The following BRIP1 variants were observed in gnomAD, a reference collection of about 807,000 sequenced individuals.
BRIP1 encodes the protein Fanconi anemia group J protein.
In BRIP1, 88 loss-of-function variants were observed where a neutral mutation model predicts 119.7. The observed-to-expected ratio is 0.74, with a 90% CI of 0.62 to 0.88. The LOEUF is 0.88. Ranked by LOEUF, BRIP1 falls within the 40% of genes least tolerant of loss-of-function variation. The pLI is 0.00. For missense variants in BRIP1, 1,259 were observed against 1,455.4 expected (o/e 0.87, Z 2.20); for synonymous variants, 443 against 496.5 (o/e 0.89, Z 1.43).
rs2145425529 is a variant in BRIP1 at position 61,808,810 on chromosome 17, T to A, written c.628-53A>T. On this transcript the variant is annotated intron_variant, in intron 6 of 19. Coordinates refer to ENST00000259008, the MANE Select transcript of BRIP1 (RefSeq NM_032043.3). This position sits in a 1 kb window ranked among gnomAD's most constrained non-coding sequence, Gnocchi z 4.1. ...AATATCTAAACTACCATAAAAAACG[T>A]TATCAAACCTCACATGGAATCAGAA... is the stretch of plus-strand genomic sequence containing the variant. 1 of 1,543,302 alleles carries A rather than the reference T, an allele frequency of 6.5e-7. No homozygotes were observed. Among genetic ancestry groups the A allele is most frequent in the Non-Finnish European group, 8.9e-7 (1 of 1,127,630 alleles).
rs980115193 is a variant in BRIP1 at position 61,831,702 on chromosome 17, G to A, written c.627+15399C>T. On this transcript the variant is annotated intron_variant, in intron 6 of 19. Transcript: ENST00000259008. The surrounding 1 kb of genome is among the most constrained non-coding windows in gnomAD (Gnocchi z 4.1). ...GAATAACACTCCTATGAACACTGGT[G>A]TACAAGTATCTGAGTACCTGCTTTC... is the stretch of plus-strand genomic sequence containing the variant. Among the ~76,000 whole-genome samples, 3 of 152,190 alleles carry A rather than the reference G, an allele frequency of 2.0e-5. No homozygotes were observed. The highest frequency in any genetic ancestry group is 7.2e-5 in the African/African-American group (3 of 41,460).
At chr17:61,847,346 G>A (rs975563857) in intron 5 of BRIP1, 126 bp from the exon 6 acceptor site, 12 of 1,032,302 alleles carry the variant, frequency 1.2e-5, no homozygotes, top group Non-Finnish European at 1.7e-5. Context: ...TTTCTAACAG[G>A]CAATAATAAA....
chr17:61,804,822 G>T lies in BRIP1; in HGVS notation c.919-3348C>A, dbSNP rs991608090. On this transcript the variant is annotated intron_variant, in intron 7 of 19. Coordinates refer to ENST00000259008, the MANE Select transcript of BRIP1 (RefSeq NM_032043.3). This position sits in a 1 kb window ranked among gnomAD's most constrained non-coding sequence, Gnocchi z 4.5. ...GCAATAATTTGAATTTCTTCTTTTA[G>T]GTTATCTACTAATGTCCTTTGCCAT... 2.6e-5 allele frequency among the ~76,000 whole-genome samples: 4 copies of T among 151,458 alleles called. No individual in the cohort carries two copies. Among genetic ancestry groups the T allele is most frequent in the Non-Finnish European group, 5.9e-5 (4 of 67,898 alleles).
intron 14 of BRIP1, among the ~76,000 whole-genome samples, chr17:61,749,134 TAA>T (rs34716903): frequency 6.9e-6 from 1 of 144,748 alleles, no homozygotes; most frequent in Non-Finnish European, 1.5e-5. Flanking sequence ...AGACTCTGTC[TAA>T]AAAAAAAAAA....
rs908415855 is a variant in BRIP1 at position 61,762,816 on chromosome 17, C to T, written c.2097+13585G>A. Among the ~76,000 whole-genome samples the T allele has an allele frequency of 3.3e-5, 5 of 152,026 alleles. No homozygotes were observed. The highest frequency in any genetic ancestry group is 1.2e-4 in the African/African-American group (5 of 41,420). On this transcript the variant is annotated intron_variant, in intron 14 of 19. Coordinates refer to ENST00000259008, the MANE Select transcript of BRIP1 (RefSeq NM_032043.3). The surrounding 1 kb of genome is among the most constrained non-coding windows in gnomAD (Gnocchi z 4.3). The stretch of plus-strand genomic sequence containing the variant: ...CAGCCATTATAAAAAACTGAATGGA[C>T]ATTACTCAAAACACTCAAAACAGAA...
intron 6 of BRIP1, among the ~76,000 whole-genome samples, chr17:61,833,141 A>G (rs2078517324): frequency 6.6e-6 from 1 of 152,182 alleles, no homozygotes; most frequent in Admixed American, 6.5e-5. Flanking sequence ...CTACATGACA[A>G]TTGCAGATAC....
rs946834393 is a variant in BRIP1, at chr17:61,851,005, A to T, written c.380-1749T>A. On this transcript the variant is annotated intron_variant, in intron 4 of 19. Coordinates refer to ENST00000259008, the MANE Select transcript of BRIP1 (RefSeq NM_032043.3). This position sits in a 1 kb window ranked among gnomAD's most constrained non-coding sequence, Gnocchi z 4.6. ...CACTTTGGGAGGCCGAGGCAGGTGG[A>T]TCACCTGAGGCCAGGAGTTTGAGAC... Among the ~76,000 whole-genome samples the T allele has an allele frequency of 6.6e-6, 1 of 152,114 alleles. No homozygotes were observed. Among genetic ancestry groups the T allele is most frequent in the Non-Finnish European group, 1.5e-5 (1 of 68,018 alleles).
rs2061674140 is a variant in BRIP1 at position 61,705,165 on chromosome 17, C to T, written c.2492+10786G>A. Among the ~76,000 whole-genome samples the T allele has an allele frequency of 6.6e-6, 1 of 152,118 alleles. No individual in the cohort carries two copies. The highest frequency in any genetic ancestry group is 1.5e-5 in the Non-Finnish European group (1 of 68,006). On this transcript the variant is annotated intron_variant, in intron 17 of 19. Transcript: ENST00000259008. The surrounding 1 kb of genome is among the most constrained non-coding windows in gnomAD (Gnocchi z 5.0). ...GTCCATGTGTACCCATTGTTTATCTCCCATTTATAAGTGGGAACATATGGT... is the reference window on the plus strand; with the variant it reads ...GTCCATGTGTACCCATTGTTTATCTTCCATTTATAAGTGGGAACATATGGT...
Position 61,795,473 on chromosome 17 carries a change from T to G in BRIP1, c.1341-1744A>C, listed in dbSNP as rs796814613. ...CAATGGATTAAATTGTTTTCATTTT[T>G]AGATCCCACAAATAAGTGAGAATAT... On this transcript the variant is annotated intron_variant, in intron 9 of 19. Transcript: ENST00000259008. This position sits in a 1 kb window ranked among gnomAD's most constrained non-coding sequence, Gnocchi z 5.6. Among the ~76,000 whole-genome samples the G allele has an allele frequency of 2.0e-4, 31 of 152,244 alleles. No homozygotes were observed. The highest frequency in any genetic ancestry group is 7.2e-4 in the African/African-American group (30 of 41,548).
In BRIP1 at chr17:61,703,947, A is replaced by G. The variant is rs1423655857; in HGVS notation, c.2493-10435T>C. ...ATTCTTTGCCAAATCTGATGTTTAG[A>G]ACAGTATTTCCTAGGTTTTCTTCTA... On this transcript the variant is annotated intron_variant, in intron 17 of 19. Coordinates refer to ENST00000259008, the MANE Select transcript of BRIP1 (RefSeq NM_032043.3). The surrounding 1 kb of genome is among the most constrained non-coding windows in gnomAD (Gnocchi z 5.0). Among the ~76,000 whole-genome samples the G allele has an allele frequency of 2.0e-5, 3 of 152,154 alleles. No individual in the cohort carries two copies. Among genetic ancestry groups the G allele is most frequent in the Non-Finnish European group, 2.9e-5 (2 of 68,012 alleles).
At position 61,708,936 on chromosome 17, in the gene BRIP1, T is replaced by G. The variant is rs756379826; in HGVS notation, c.2492+7015A>C. 6.6e-6 allele frequency among the ~76,000 whole-genome samples: 1 copy of G among 152,178 alleles called. No homozygotes were observed. Among genetic ancestry groups the G allele is most frequent in the East Asian group, 1.9e-4 (1 of 5,198 alleles). Reference sequence around the variant, plus strand: ...GGGGGTGGAGTTCTCACATTCAGTATGTAAAATCCCCGTATATAATATTAA... The same window carrying G: ...GGGGGTGGAGTTCTCACATTCAGTAGGTAAAATCCCCGTATATAATATTAA... On this transcript the variant is annotated intron_variant, in intron 17 of 19. Transcript: ENST00000259008. The surrounding 1 kb of genome is among the most constrained non-coding windows in gnomAD (Gnocchi z 4.4).
At position 61,755,538 on chromosome 17, in the gene BRIP1, G is replaced by A. The variant is rs1347886193; in HGVS notation, c.2098-10947C>T. Among the ~76,000 whole-genome samples the A allele has an allele frequency of 6.6e-6, 1 of 152,076 alleles. No individual in the cohort carries two copies. The highest frequency in any genetic ancestry group is 2.4e-5 in the African/African-American group (1 of 41,416). The stretch of plus-strand genomic sequence containing the variant: ...CATGCCACCGTACTCCAGCCTGGGT[G>A]ATAGAGTGAGACCCTATCTGAAAAA... On this transcript the variant is annotated intron_variant, in intron 14 of 19. Transcript: ENST00000259008. The surrounding 1 kb of genome is among the most constrained non-coding windows in gnomAD (Gnocchi z 4.5).
At chr17:61,707,978 C>G (rs562494719) in intron 17 of BRIP1, among the ~76,000 whole-genome samples, 1 of 152,116 alleles carries the variant, frequency 6.6e-6, no homozygotes, top group East Asian at 1.9e-4. Context: ...TCCTGAGTAG[C>G]TGGGATTACA....
At position 61,693,282 on chromosome 17, in the gene BRIP1, A is replaced by G. The variant is rs754255876; in HGVS notation, c.2575+148T>C. The G allele has an allele frequency of 2.4e-5, 18 of 743,760 alleles. No individual in the cohort carries two copies. The highest frequency in any genetic ancestry group is 3.6e-5 in the Non-Finnish European group (16 of 441,996). 46.1% of individuals were successfully genotyped at this position (743,760 alleles called of 1,614,324 possible). On this transcript the variant is annotated intron_variant, in intron 18 of 19. Coordinates refer to ENST00000259008, the MANE Select transcript of BRIP1 (RefSeq NM_032043.3). This position sits in a 1 kb window ranked among gnomAD's most constrained non-coding sequence, Gnocchi z 4.2. ...GTTATGTAAGATTTAAAAGTTCTAG[A>G]TATCTGCTGTGAAATACTGTGCTTA...
At chr17:61,850,762 A>G (rs1401414986) in intron 4 of BRIP1, among the ~76,000 whole-genome samples, 1 of 151,838 alleles carries the variant, frequency 6.6e-6, no homozygotes, top group Admixed American at 6.6e-5. Context: ...TGGGAGGCAG[A>G]GGTTGCAGTG....
rs955309149 is a variant in BRIP1, at chr17:61,804,517, T to C, written c.919-3043A>G. On this transcript the variant is annotated intron_variant, in intron 7 of 19. Transcript: ENST00000259008. This position sits in a 1 kb window ranked among gnomAD's most constrained non-coding sequence, Gnocchi z 4.5. ...ACTTCTCATGCCTCAGCCTCCCAAG[T>C]AGCTGGGATTACAAGCACGCATCAC... is the stretch of plus-strand genomic sequence containing the variant. Among the ~76,000 whole-genome samples the C allele has an allele frequency of 2.0e-5, 3 of 151,404 alleles. No individual in the cohort carries two copies. Among genetic ancestry groups the C allele is most frequent in the African/African-American group, 4.9e-5 (2 of 41,206 alleles).
intron 5 of BRIP1, among the ~76,000 whole-genome samples, chr17:61,847,509 T>C (rs1332141548): frequency 6.6e-6 from 1 of 152,190 alleles, no homozygotes; most frequent in Non-Finnish European, 1.5e-5. Flanking sequence ...AATAGTCCCA[T>C]CATATGGACA....
At chr17:61,811,273 G>A (rs1313693026) in intron 6 of BRIP1, among the ~76,000 whole-genome samples, 1 of 151,944 alleles carries the variant, frequency 6.6e-6, no homozygotes, top group East Asian at 1.9e-4. Context: ...TGCCCAGGCT[G>A]GAGTGCAATG....
intron 10 of BRIP1, among the ~76,000 whole-genome samples, chr17:61,788,330 G>T (rs2077764736): frequency 6.6e-6 from 1 of 151,914 alleles, no homozygotes; most frequent in African/African-American, 2.4e-5. Flanking sequence ...TGAAAGATAG[G>T]AAAAAATAAT....
Sources: gnomAD v4.1 joint callset for allele counts (sites outside exome capture counted in the v4.1 genomes callset) on GRCh38, gnomAD v4.1.1 for gene constraint, Gnocchi (gnomAD v3.1) non-coding constraint, MANE v1.5 for transcripts, NCBI Gene and HGNC (gene_info 2026-07-23, HGNC 2026-07-21) for gene names.